Variants in SRD5A2 observed in about 807,000 individuals in gnomAD.
SRD5A2 encodes 3-oxo-5-alpha-steroid 4-dehydrogenase 2.
Under a neutral mutation model 27.4 loss-of-function variants are expected in SRD5A2, and 30 were observed. The observed-to-expected ratio is 1.10, with a 90% CI of 0.82 to 1.49. The LOEUF (loss-of-function observed/expected upper bound fraction) is 1.49. SRD5A2 is among the 40% of genes most tolerant of loss of function. The pLI is 0.00. For synonymous variants in SRD5A2, 141 were observed against 133.6 expected, an observed-to-expected ratio of 1.06 and a Z score of -0.38; for missense variants, 348 against 323.4, an observed-to-expected ratio of 1.08 and a Z score of -0.58.
intron 1 of SRD5A2, among the ~76,000 whole-genome samples, chr2:31,579,067 A>C (rs915151203): frequency 1.3e-5 from 2 of 152,250 alleles, no homozygotes; most frequent in African/African-American, 2.4e-5. Context: ...CTTTCTGTGC[A>C]AATTAAACCA....
At chr2:31,554,635 T>G (rs1666455170) in intron 1 of SRD5A2, among the ~76,000 whole-genome samples, 1 of 152,226 alleles carries the variant, frequency 6.6e-6, no homozygotes, top group South Asian at 2.1e-4. Flanking sequence ...AAGGTGACTT[T>G]GGCTCATCCC....
upstream of SRD5A2, among the ~76,000 whole-genome samples, chr2:31,584,596 C>T (rs1667145651): frequency 6.6e-6 from 1 of 152,094 alleles, no homozygotes; most frequent in Admixed American, 6.5e-5. Flanking sequence ...TTAGGAATCC[C>T]CACTAACCCT....
intron 1 of SRD5A2, among the ~76,000 whole-genome samples, chr2:31,554,924 C>CGT (rs59697517): frequency 0.1 from 13,542 of 132,054 alleles, 782 homozygotes; most frequent in Middle Eastern, 0.15. Context: ...CTATCCTGAT[C>CGT]GTGTGTGTGT....
Position 31,580,712 on chromosome 2 carries a change from C to T in SRD5A2, c.189G>A (p.Val63=). Residue 63 remains valine (V), a synonymous_variant, in exon 1 of 5, where the codon GTG becomes GTA. Transcript: ENST00000622030. The stretch of plus-strand genomic sequence containing the variant: ...GCTGCCGGGCGAGGATCCCCGCGGG[C>T]ACCGCGAAGGAAGGCAGCTCCTGCA... ...WFLQELPSFA[V]PAGILARQPL... The T allele has an allele frequency of 1.2e-6, 2 of 1,605,362 alleles. No individual in the cohort carries two copies. The highest frequency in any genetic ancestry group is 1.7e-6 in the Non-Finnish European group (2 of 1,179,046).
chr2:31,617,520 G>A, the SRD5A2 span, among the ~76,000 whole-genome samples: 44 of 152,178 alleles, frequency 2.9e-4, no homozygotes, highest in Non-Finnish European at 6.5e-4. Context: ...CAGAAAATAA[G>A]GCTTTCTTTT....
At chr2:31,612,710 G>C in the SRD5A2 span, among the ~76,000 whole-genome samples, 1 of 152,058 alleles carries the variant, frequency 6.6e-6, no homozygotes, top group Admixed American at 6.6e-5. Flanking sequence ...AACGCCCAAA[G>C]CAATCTTGAG....
chr2:31,544,250 A>G (rs1558361818), intron 1 of SRD5A2, among the ~76,000 whole-genome samples: 1 of 152,006 alleles, frequency 6.6e-6, no homozygotes, highest in Admixed American at 6.6e-5. Context: ...AAAGAATTCA[A>G]TACCACACTG....
At chr2:31,567,216 A>G (rs982920143) in intron 1 of SRD5A2, among the ~76,000 whole-genome samples, 1 of 152,176 alleles carries the variant, frequency 6.6e-6, no homozygotes, top group South Asian at 2.1e-4. Context: ...CCTTGAGTAG[A>G]ATTCCTGGCC....
the SRD5A2 span, among the ~76,000 whole-genome samples, chr2:31,590,157 C>T: frequency 6.9e-6 from 1 of 144,582 alleles, no homozygotes; most frequent in Non-Finnish European, 1.5e-5. Flanking sequence ...GCCCCCACCC[C>T]ACCCACCCTG....
In SRD5A2 at chr2:31,522,601, A is replaced by G; in HGVS notation, c.*3595T>C. On this transcript the variant is annotated 3_prime_UTR_variant, in exon 5 of 5. Coordinates refer to ENST00000622030, the MANE Select transcript of SRD5A2 (RefSeq NM_000348.4). ...CAGAACTCTTTAAGATCACAACTCC[A>G]TGGACTTGTACAAAGAATAAACAAA... 4.7e-6 allele frequency: 1 copy of G among 210,904 alleles called. No homozygotes were observed. The highest frequency in any genetic ancestry group is 9.6e-6 in the Non-Finnish European group (1 of 103,932). 13.1% of individuals were successfully genotyped at this position (210,904 alleles called of 1,614,324 possible).
chr2:31,528,557 C>T (rs1172964584), intron 4 of SRD5A2, among the ~76,000 whole-genome samples: 1 of 152,106 alleles, frequency 6.6e-6, no homozygotes, highest in Non-Finnish European at 1.5e-5. Flanking sequence ...CACTTGAGGT[C>T]AGGAGTTCAA....
At chr2:31,658,178 T>C in the SRD5A2 span, among the ~76,000 whole-genome samples, 1 of 151,976 alleles carries the variant, frequency 6.6e-6, no homozygotes, top group African/African-American at 2.4e-5. Flanking sequence ...TTGAAGCAAA[T>C]GAAAACAAAG....
chr2:31,660,225 T>C, the SRD5A2 span, among the ~76,000 whole-genome samples: 1 of 152,086 alleles, frequency 6.6e-6, no homozygotes, highest in East Asian at 1.9e-4. Context: ...ACTCATCAGA[T>C]TGGCAAAAGT....
chr2:31,639,176 T>C, the SRD5A2 span, among the ~76,000 whole-genome samples: 1 of 152,066 alleles, frequency 6.6e-6, no homozygotes, highest in Non-Finnish European at 1.5e-5. Flanking sequence ...AACAAAAGAA[T>C]AGAAACACAG....
chr2:31,657,336 G>A, the SRD5A2 span, among the ~76,000 whole-genome samples: 2 of 152,088 alleles, frequency 1.3e-5, no homozygotes, highest in African/African-American at 4.8e-5. Flanking sequence ...ATATTTGAAA[G>A]GATTGTAATA....
the SRD5A2 span, among the ~76,000 whole-genome samples, chr2:31,623,057 C>T: frequency 2.6e-5 from 4 of 152,024 alleles, no homozygotes; most frequent in Non-Finnish European, 4.4e-5. Context: ...CTCAATTGGT[C>T]GTTGTCAACT....
the SRD5A2 span, among the ~76,000 whole-genome samples, chr2:31,651,226 T>C: frequency 2.6e-5 from 4 of 152,232 alleles, no homozygotes; most frequent in East Asian, 3.9e-4. Flanking sequence ...TTTTCTTTAG[T>C]GAGATGCACA....
intron 1 of SRD5A2, among the ~76,000 whole-genome samples, chr2:31,535,491 A>G (rs1456518323): frequency 1.3e-5 from 2 of 152,144 alleles, no homozygotes; most frequent in East Asian, 1.9e-4. Context: ...CACCTCTACC[A>G]TCTGCTCTCC....
chr2:31,605,044 C>T, the SRD5A2 span, among the ~76,000 whole-genome samples: 4 of 151,932 alleles, frequency 2.6e-5, no homozygotes, highest in African/African-American at 9.6e-5. Flanking sequence ...CAAGAACATA[C>T]TCCAGGGAAA....
Sources: gnomAD v4.1 joint callset for allele counts (sites outside exome capture counted in the v4.1 genomes callset) on GRCh38, gnomAD v4.1.1 for gene constraint, MANE v1.5 for transcripts, NCBI Gene and HGNC (gene_info 2026-07-23, HGNC 2026-07-21) for gene names.